The following DISC1 variants were observed in gnomAD, a reference collection of about 807,000 sequenced individuals.
DISC1 encodes disrupted in schizophrenia 1 protein.
DISC1 carries 57 observed loss-of-function variants against 84.5 expected under a neutral mutation model. The ratio of observed to expected loss-of-function variants is 0.67; its 90% CI spans 0.55 to 0.84. The LOEUF (loss-of-function observed/expected upper bound fraction) is 0.84. Ranked by LOEUF, DISC1 falls within the 40% of genes least tolerant of loss-of-function variation. The pLI, the probability that DISC1 is intolerant of heterozygous loss-of-function variation, is 0.00. For missense variants in DISC1, 1,000 were observed against 1,057.8 expected, an observed-to-expected ratio of 0.95 and a Z score of 0.76; for synonymous variants, 411 against 415.2, an observed-to-expected ratio of 0.99 and a Z score of 0.12.
intron 11 of DISC1, among the ~76,000 whole-genome samples, chr1:232,013,347 A>G (rs1379522226): frequency 6.6e-6 from 1 of 152,158 alleles, no homozygotes; most frequent in Non-Finnish European, 1.5e-5. Flanking sequence ...CAGTGTGTGA[A>G]CACAGCTGCA....
At chr1:231,658,190 C>G (rs2061294605) in intron 1 of DISC1, among the ~76,000 whole-genome samples, 1 of 152,080 alleles carries the variant, frequency 6.6e-6, no homozygotes, top group Admixed American at 6.6e-5. Flanking sequence ...TGAAGAGGTC[C>G]TTCACTTCCC....
intron 1 of DISC1, among the ~76,000 whole-genome samples, chr1:231,633,437 C>G (rs1006856574): frequency 2.0e-5 from 3 of 152,146 alleles, no homozygotes; most frequent in East Asian, 3.9e-4. Context: ...GGAACCCTTC[C>G]AGTGCTAAGA....
chr1:231,634,958 T>A (rs2059072527), intron 1 of DISC1, among the ~76,000 whole-genome samples: 1 of 151,640 alleles, frequency 6.6e-6, no homozygotes. Flanking sequence ...AAACCAAAAA[T>A]GTAGATTGTT....
intron 9 of DISC1, among the ~76,000 whole-genome samples, chr1:231,910,892 G>T (rs1005071182): frequency 1.3e-5 from 2 of 152,184 alleles, no homozygotes; most frequent in African/African-American, 4.8e-5. Flanking sequence ...AGGATAGTTA[G>T]CTCTTCTTGT....
chr1:231,821,765 G>A (rs955366022), intron 9 of DISC1, among the ~76,000 whole-genome samples: 1 of 150,142 alleles, frequency 6.7e-6, no homozygotes, highest in African/African-American at 2.5e-5. Context: ...CCAGGCTGGA[G>A]TGTAATGGTG....
chr1:232,039,255 A>G lies in DISC1; in HGVS notation c.*2424A>G, dbSNP rs1363839966. On this transcript the variant is annotated 3_prime_UTR_variant, in exon 13 of 13. Transcript: ENST00000439617. ...GCCACATTGCCAATAACAAATTCCT[A>G]CTTCGACATATGTCTTTTCAAAAAG... is the stretch of plus-strand genomic sequence containing the variant. 1 of 152,204 alleles carries G rather than the reference A, an allele frequency of 6.6e-6. No homozygotes were observed. The highest frequency in any genetic ancestry group is 1.5e-5 in the Non-Finnish European group (1 of 68,040). The allele number at this position is 152,204 out of a possible 1,614,324, so 9.4% of individuals were successfully genotyped here. A position where few individuals can be genotyped will look rare whatever the true frequency, so the allele number is the denominator to read the frequency against.
intron 12 of DISC1, among the ~76,000 whole-genome samples, chr1:232,028,201 A>G (rs971202565): frequency 1.3e-5 from 2 of 152,112 alleles, no homozygotes; most frequent in Non-Finnish European, 2.9e-5. Flanking sequence ...CTTCCAGCAA[A>G]TGGGCAGGTG....
At chr1:231,854,662 G>A (rs926869314) in intron 9 of DISC1, 1 of 165,078 alleles carries the variant, frequency 6.1e-6, no homozygotes, top group Non-Finnish European at 1.3e-5. Context: ...GGTGTGTAGT[G>A]TATCACCCTG....
intron 9 of DISC1, among the ~76,000 whole-genome samples, chr1:231,934,295 A>G (rs891082602): frequency 2.0e-5 from 3 of 152,150 alleles, no homozygotes; most frequent in African/African-American, 4.8e-5. Flanking sequence ...AAATATTGAA[A>G]TAAACTCCTT....
In DISC1 at chr1:232,026,438, T is replaced by C. The variant is rs777194183; in HGVS notation, c.2311T>C (p.Ser771Pro). The change falls in exon 12 of 13, where the codon TCT becomes CCT. Residue 771 changes from serine (S) to proline (P), a missense_variant. Around this residue, in one of 3 missense-constraint regions of DISC1, gnomAD observed 397 missense variants for 377.5 expected, o/e 1.05. Coordinates refer to ENST00000439617, the MANE Select transcript of DISC1 (RefSeq NM_018662.3). ...CTTGTTTTCCCCCTCTCGCCAGGAA[T>C]CTTACATCCTTTCTGCAGAACTTGG... ...HCAGGEQKEESYILSAELGEK... is the reference protein window; with the variant it reads ...HCAGGEQKEEPYILSAELGEK... 1 of 1,598,452 alleles carries C rather than the reference T, an allele frequency of 6.3e-7. No individual in the cohort carries two copies. Among genetic ancestry groups the C allele is most frequent in the South Asian group, 1.1e-5 (1 of 87,998 alleles).
At position 231,767,175 on chromosome 1, in the gene DISC1, T is replaced by C; in HGVS notation, c.1304T>C (p.Met435Thr). 1 of 1,614,190 alleles carries C rather than the reference T, an allele frequency of 6.2e-7. No homozygotes were observed. Among genetic ancestry groups the C allele is most frequent in the Non-Finnish European group, 8.5e-7 (1 of 1,180,018 alleles). The change falls in exon 5 of 13, where the codon ATG becomes ACG. Residue 435 changes from methionine (M) to threonine (T), a missense_variant. Coordinates refer to ENST00000439617, the MANE Select transcript of DISC1 (RefSeq NM_018662.3). ...GATGACACCCACACCCCACTGAGAATGGAGCCGAGGCTGTTGGAACCCACT... is the reference window on the plus strand; with the variant it reads ...GATGACACCCACACCCCACTGAGAACGGAGCCGAGGCTGTTGGAACCCACT... ...SGDDTHTPLR[M>T]EPRLLEPTAQ...
chr1:232,012,223 G>T lies in DISC1; in HGVS notation c.2307+3174G>T, dbSNP rs547195329. On this transcript the variant is annotated intron_variant, in intron 11 of 12. Transcript: ENST00000439617. ...TTCCCTTTTGCATAAGGAGTTTGGGGGTGCTTGAGATTGTTACATTTTCCT... is the reference window on the plus strand; with the variant it reads ...TTCCCTTTTGCATAAGGAGTTTGGGTGTGCTTGAGATTGTTACATTTTCCT... 3.9e-5 allele frequency among the ~76,000 whole-genome samples: 6 copies of T among 152,292 alleles called. No homozygotes were observed. In the South Asian group the frequency reaches 8.3e-4, roughly 21 times the overall value.
At chr1:231,851,405 A>G (rs1165809753) in intron 9 of DISC1, among the ~76,000 whole-genome samples, 1 of 152,204 alleles carries the variant, frequency 6.6e-6, no homozygotes, top group African/African-American at 2.4e-5. Flanking sequence ...AGTTGGGGCG[A>G]TAAATATTCT....
chr1:231,637,958 A>G (rs1196582486), intron 1 of DISC1, among the ~76,000 whole-genome samples: 1 of 152,222 alleles, frequency 6.6e-6, no homozygotes, highest in Non-Finnish European at 1.5e-5. Flanking sequence ...CATTCTCACC[A>G]ATAGTGTTTA....
chr1:231,886,805 T>TTCTCTTTCTTTCTTTCTTTC (rs1202924743), intron 9 of DISC1, among the ~76,000 whole-genome samples: 1 of 145,288 alleles, frequency 6.9e-6, no homozygotes, highest in South Asian at 2.3e-4. Flanking sequence ...CTTTCTTTCT[T>TTCTCTTTCTTTCTTTCTTTC]TCTTTCTTTC....
intron 8 of DISC1, among the ~76,000 whole-genome samples, chr1:231,806,955 G>A (rs992950572): frequency 1.3e-5 from 2 of 152,244 alleles, no homozygotes; most frequent in African/African-American, 4.8e-5. Context: ...ACCTGGGCCT[G>A]TTTCCTTCTC....
chr1:231,826,540 C>T lies in DISC1; in HGVS notation c.1981+8023C>T, dbSNP rs1218215939. On this transcript the variant is annotated intron_variant, in intron 9 of 12. Transcript: ENST00000439617. The surrounding 1 kb of genome is among the most constrained non-coding windows in gnomAD (Gnocchi z 4.2). Reference sequence around the variant, plus strand: ...GCTATAGCAGATGGATAATTTAACTCAGTAGTAGGAGGTTCTATAGGTTAT... The same window carrying T: ...GCTATAGCAGATGGATAATTTAACTTAGTAGTAGGAGGTTCTATAGGTTAT... 6.6e-6 allele frequency among the ~76,000 whole-genome samples: 1 copy of T among 152,074 alleles called. No homozygotes were observed. The highest frequency in any genetic ancestry group is 1.5e-5 in the Non-Finnish European group (1 of 68,032).
chr1:231,708,806 T>C (rs1350084440), intron 3 of DISC1, among the ~76,000 whole-genome samples: 2 of 152,172 alleles, frequency 1.3e-5, no homozygotes, highest in African/African-American at 4.8e-5. Context: ...GAAGCTCTTA[T>C]TTACATGACA....
intron 12 of DISC1, among the ~76,000 whole-genome samples, chr1:232,028,305 T>C (rs1669668427): frequency 6.6e-6 from 1 of 152,130 alleles, no homozygotes. Context: ...CCTAAGTGGG[T>C]TGTACCTCTG....
Sources: allele counts gnomAD v4.1 joint callset (sites outside exome capture counted in the v4.1 genomes callset), GRCh38; gene constraint gnomAD v4.1.1; regional missense constraint gnomAD v4.1.1; non-coding constraint Gnocchi (gnomAD v3.1); transcripts MANE v1.5; gene names NCBI Gene and HGNC (gene_info 2026-07-23, HGNC 2026-07-21).